The following FALEC variants were observed in gnomAD, a reference collection of about 807,000 sequenced individuals.
FALEC encodes the protein focally amplified lncRNA on chromosome 1.
chr1:150,523,371 C>T, the FALEC span, among the ~76,000 whole-genome samples: 2 of 150,990 alleles, frequency 1.3e-5, no homozygotes, highest in Non-Finnish European at 3.0e-5. Flanking sequence ...ACATATGTGG[C>T]GACCAGGCGC....
At chr1:150,535,187 G>A in the FALEC span, among the ~76,000 whole-genome samples, 2 of 150,580 alleles carry the variant, frequency 1.3e-5, no homozygotes, top group Admixed American at 6.6e-5. Context: ...AGGGATAAGA[G>A]CACAGTCACC....
At chr1:150,527,950 T>C in the FALEC span, among the ~76,000 whole-genome samples, 1 of 152,198 alleles carries the variant, frequency 6.6e-6, no homozygotes, top group South Asian at 2.1e-4. Flanking sequence ...GGTGGTCCCA[T>C]TGACCCTCAA....
chr1:150,530,253 T>C, the FALEC span, among the ~76,000 whole-genome samples: 1 of 152,196 alleles, frequency 6.6e-6, no homozygotes, highest in African/African-American at 2.4e-5. Flanking sequence ...TACATGCAAA[T>C]GCTGAGGCCA....
At chr1:150,534,840 CAA>C in the FALEC span, among the ~76,000 whole-genome samples, 401 of 121,026 alleles carry the variant, frequency 3.3e-3, no homozygotes, top group Middle Eastern at 4.5e-3. Context: ...GACTCTGTCT[CAA>C]AAAAAAAAAA....
downstream of FALEC, among the ~76,000 whole-genome samples, chr1:150,521,747 A>C (rs1416484888): frequency 6.6e-6 from 1 of 152,160 alleles, no homozygotes; most frequent in East Asian, 1.9e-4. Context: ...CCATATTTGC[A>C]TGGGTCTATT....
downstream of FALEC, among the ~76,000 whole-genome samples, chr1:150,521,676 C>T (rs1382206546): frequency 3.3e-5 from 5 of 152,134 alleles, no homozygotes; most frequent in African/African-American, 9.7e-5. Context: ...TATTCCAGCA[C>T]CATGTGTTGA....
the FALEC span, among the ~76,000 whole-genome samples, chr1:150,525,305 A>T: frequency 6.6e-6 from 1 of 152,000 alleles, no homozygotes; most frequent in African/African-American, 2.4e-5. Flanking sequence ...AAAACAAAAA[A>T]ACCCAAAACA....
chr1:150,535,893 C>T, the FALEC span, among the ~76,000 whole-genome samples: 1 of 152,216 alleles, frequency 6.6e-6, no homozygotes, highest in Non-Finnish European at 1.5e-5. Context: ...GCTTAGAGCA[C>T]ATAGCAAGGG....
chr1:150,525,483 G>A, the FALEC span, among the ~76,000 whole-genome samples: 1 of 151,486 alleles, frequency 6.6e-6, no homozygotes, highest in Admixed American at 6.6e-5. Flanking sequence ...CAAACAAAAA[G>A]CATACAGTTC....
chr1:150,523,170 G>T, the FALEC span, among the ~76,000 whole-genome samples: 1 of 142,936 alleles, frequency 7.0e-6, no homozygotes, highest in African/African-American at 2.6e-5. Context: ...TTTTTATATT[G>T]TTAGTAGAGA....
chr1:150,518,936 G>T (rs1464915261), downstream of FALEC, among the ~76,000 whole-genome samples: 1 of 151,958 alleles, frequency 6.6e-6, no homozygotes, highest in African/African-American at 2.4e-5. Flanking sequence ...TGCCTCTGTA[G>T]TCCCAGCTAT....
chr1:150,528,492 C>G, the FALEC span, among the ~76,000 whole-genome samples: 1 of 151,534 alleles, frequency 6.6e-6, no homozygotes, highest in African/African-American at 2.4e-5. Context: ...CTCAGGGAGA[C>G]CTTCCTGAAA....
chr1:150,534,523 C>T, the FALEC span, among the ~76,000 whole-genome samples: 2 of 152,264 alleles, frequency 1.3e-5, no homozygotes, highest in Admixed American at 1.3e-4. Flanking sequence ...CCCCAGCCCC[C>T]ACTCAGGAGA....
the FALEC span, among the ~76,000 whole-genome samples, chr1:150,532,182 C>T: frequency 2.6e-5 from 4 of 152,248 alleles, no homozygotes; most frequent in Admixed American, 6.5e-5. Flanking sequence ...GCTGGGATTA[C>T]AGGCATGAGC....
At chr1:150,522,856 T>TATATATAC (rs1553907905), downstream of FALEC, among the ~76,000 whole-genome samples, 5,779 of 116,164 alleles carry the variant, frequency 0.05, 516 homozygotes, top group African/African-American at 0.068. Context: ...TCTCTCTATA[T>TATATATAC]ATATATATAC....
At chr1:150,519,765 G>A (rs977003217), downstream of FALEC, among the ~76,000 whole-genome samples, 1 of 152,152 alleles carries the variant, frequency 6.6e-6, no homozygotes, top group Non-Finnish European at 1.5e-5. Flanking sequence ...GCTGAGGCAG[G>A]AGAATCAGGA....
At chr1:150,518,627 A>G (rs1670601636), downstream of FALEC, among the ~76,000 whole-genome samples, 1 of 151,350 alleles carries the variant, frequency 6.6e-6, no homozygotes, top group African/African-American at 2.4e-5. Flanking sequence ...ACCTCAGGTG[A>G]TCCGCCTGCC....
At chr1:150,522,892 T>TATATAC (rs1670666243), downstream of FALEC, among the ~76,000 whole-genome samples, 4 of 73,824 alleles carry the variant, frequency 5.4e-5, no homozygotes, top group African/African-American at 2.0e-4. Context: ...TATATACGTA[T>TATATAC]ATATATATAT....
At chr1:150,517,064 C>A (rs1044812805) in intron 1 of FALEC, among the ~76,000 whole-genome samples, 1 of 151,978 alleles carries the variant, frequency 6.6e-6, no homozygotes, top group East Asian at 1.9e-4. Flanking sequence ...TTTGGGAGGT[C>A]GAGGCCAGTG....
Sources: allele counts gnomAD v4.1 joint callset (sites outside exome capture counted in the v4.1 genomes callset), GRCh38; gene constraint gnomAD v4.1.1; transcripts MANE v1.5; gene names NCBI Gene and HGNC (gene_info 2026-07-23, HGNC 2026-07-21).